Variants in P4HA2 observed in about 807,000 individuals in gnomAD.
The protein encoded by P4HA2 is prolyl 4-hydroxylase subunit alpha-2.
P4HA2 carries 46 observed loss-of-function variants against 76.9 expected under a neutral mutation model. The observed-to-expected ratio is 0.60, with a 90% CI of 0.47 to 0.76. The LOEUF (loss-of-function observed/expected upper bound fraction) is 0.76. Among genes scored for constraint, P4HA2 ranks in the 30% least tolerant of loss-of-function variants. The pLI is 0.00. For missense variants in P4HA2, 583 were observed against 669.4 expected (o/e 0.87, Z 1.42); for synonymous variants, 243 against 254.0 (o/e 0.96, Z 0.41).
At chr5:132,217,632 G>C in intron 3 of P4HA2, 120 bp downstream of exon 3, 1 of 750,342 alleles carries the variant, frequency 1.3e-6, no homozygotes, top group Non-Finnish European at 2.4e-6. Context: ...AAGTAACCAG[G>C]CCAGCCCCAC....
chr5:132,222,614 G>A (rs1404351210), intron 1 of P4HA2, among the ~76,000 whole-genome samples: 3 of 152,216 alleles, frequency 2.0e-5, no homozygotes, highest in African/African-American at 4.8e-5. Context: ...TTTTGAGTGT[G>A]TGACCAGGCC....
chr5:132,209,367 C>A, intron 6 of P4HA2, 36 bp from the exon 7 acceptor site: 1 of 1,519,924 alleles, frequency 6.6e-7, no homozygotes, highest in South Asian at 1.1e-5. Flanking sequence ...AAAAGGAAAC[C>A]ACAAACATCT....
Position 132,203,741 on chromosome 5 carries a change from T to A in P4HA2, c.1251+7A>T, listed in dbSNP as rs778800541. 4 of 1,513,418 alleles carry A rather than the reference T, an allele frequency of 2.6e-6. No individual in the cohort carries two copies. The South Asian group carries it at 4.5e-5, about 17-fold the overall frequency. 93.7% of individuals were successfully genotyped at this position (1,513,418 alleles called of 1,614,324 possible). A position where few individuals can be genotyped will look rare whatever the true frequency, so the allele number is the denominator to read the frequency against. ...CCAACTCCTACAGTCCCAGGTACTA[T>A]CTGTACCTGTAACAATTCTGCAGTC... On this transcript the variant is annotated splice_region_variant and intron_variant, in intron 10 of 14. Coordinates refer to ENST00000360568, the MANE Select transcript of P4HA2 (RefSeq NM_001017974.2).
chr5:132,223,514 G>A (rs551031358), intron 1 of P4HA2, among the ~76,000 whole-genome samples: 28 of 152,066 alleles, frequency 1.8e-4, no homozygotes, highest in Middle Eastern at 3.2e-3. Flanking sequence ...CATCCATCTC[G>A]ACCTCCCAAA....
intron 1 of P4HA2, among the ~76,000 whole-genome samples, chr5:132,219,631 C>G (rs154486): frequency 0.2 from 30,128 of 152,094 alleles, 3,035 homozygotes; most frequent in East Asian, 0.3. Flanking sequence ...TCTTCCTGCC[C>G]TGCTTTTGAG....
At chr5:132,195,511 C>T in intron 12 of P4HA2, 31 bp from the exon 13 acceptor site, 1 of 1,545,110 alleles carries the variant, frequency 6.5e-7, no homozygotes, top group Non-Finnish European at 8.9e-7. Flanking sequence ...GCTTGACCCT[C>T]CTACCCAAGG....
rs754224046 is a variant in P4HA2, at chr5:132,217,280, G to A, written c.248C>T (p.Pro83Leu). Residue 83 changes from proline (P) to leucine (L), a missense_variant, in exon 4 of 15, where the codon CCT becomes CTT. Pro to Leu is a moderately conservative substitution (Grantham distance 98, BLOSUM62 -3). Coordinates refer to ENST00000360568, the MANE Select transcript of P4HA2 (RefSeq NM_001017974.2). ...CTTCACCAGTTTGTAGGCATTCACA[G>A]GGTGAGCCAGGTAGCCCTCAGCATC... ...AADAEGYLAH[P>L]VNAYKLVKRL... is the part of the protein sequence containing the mutation. 3.7e-6 allele frequency: 6 copies of A among 1,614,172 alleles called. No individual in the cohort carries two copies. The South Asian group carries it at 6.6e-5, about 18-fold the overall frequency.
chr5:132,218,635 A>G lies in P4HA2; in HGVS notation c.-9T>C. On this transcript the variant is annotated 5_prime_UTR_variant, in exon 2 of 15. Coordinates refer to ENST00000360568, the MANE Select transcript of P4HA2 (RefSeq NM_001017974.2). ...GACACCCAGAGTTTCATGGTCACAG[A>G]GGGAAGTGTCTGAAAGGCATTCAAT... The G allele has an allele frequency of 6.2e-7, 1 of 1,609,190 alleles. No homozygotes were observed. The highest frequency in any genetic ancestry group is 8.5e-7 in the Non-Finnish European group (1 of 1,175,496).
intron 1 of P4HA2, among the ~76,000 whole-genome samples, chr5:132,226,333 T>C (rs764226804): frequency 4.6e-5 from 7 of 152,178 alleles, no homozygotes; most frequent in Non-Finnish European, 1.0e-4. Context: ...TAGGACAGGA[T>C]TTCCTACAAG....
chr5:132,209,481 G>GT (rs1752744490), intron 6 of P4HA2, 150 bp from the exon 7 acceptor site: 1 of 698,158 alleles, frequency 1.4e-6, no homozygotes, highest in Non-Finnish European at 2.4e-6. Flanking sequence ...TACGCTGGTC[G>GT]TAACTGGAAA....
intron 1 of P4HA2, among the ~76,000 whole-genome samples, chr5:132,219,862 A>C (rs529513824): frequency 1.6e-4 from 24 of 152,134 alleles, no homozygotes; most frequent in Admixed American, 1.1e-3. Context: ...ATCCATTGAG[A>C]TTCCAGGTTA....
chr5:132,220,954 A>T (rs1169671799), intron 1 of P4HA2, among the ~76,000 whole-genome samples: 1 of 152,202 alleles, frequency 6.6e-6, no homozygotes, highest in East Asian at 1.9e-4. Context: ...TACCACATCA[A>T]CACTGACATC....
rs745470897 is a variant in P4HA2 at position 132,207,880 on chromosome 5, G to A, written c.908C>T (p.Pro303Leu). Residue 303 changes from proline to leucine, a missense_variant, in exon 8 of 15, where the codon CCC becomes CTC. By Grantham distance (98) the Pro-to-Leu change is moderately conservative. Transcript: ENST00000360568. ...LCRGEGVKLT[P>L]RRQKRLFCRY... ...ACAGAAAAGCCTCTTCTGTCTACGG[G>A]GTGTCTGGAAAGCACAGAGTAACAG... 34 of 1,570,052 alleles carry A rather than the reference G, an allele frequency of 2.2e-5. No individual in the cohort carries two copies. The Middle Eastern group carries it at 1.5e-3, about 72-fold the overall frequency.
intron 8 of P4HA2, 103 bp from the exon 9 acceptor site, chr5:132,204,255 T>G: frequency 1.1e-6 from 1 of 923,184 alleles, no homozygotes; most frequent in East Asian, 2.4e-5. Context: ...GCCATGCTAG[T>G]GGAGGAAGCT....
intron 7 of P4HA2, among the ~76,000 whole-genome samples, chr5:132,208,582 CT>C (rs1428245080): frequency 6.6e-6 from 1 of 151,762 alleles, no homozygotes; most frequent in East Asian, 1.9e-4. Flanking sequence ...ATTCCTGACC[CT>C]TTTCGTGAAG....
chr5:132,217,382 T>A, intron 3 of P4HA2, 34 bp from the exon 4 acceptor site: 1 of 1,610,310 alleles, frequency 6.2e-7, no homozygotes, highest in East Asian at 2.2e-5. Flanking sequence ...GACTAATGCG[T>A]CCACCCACAT....
chr5:132,220,696 G>A (rs989084481), intron 1 of P4HA2, among the ~76,000 whole-genome samples: 1 of 152,238 alleles, frequency 6.6e-6, no homozygotes, highest in Non-Finnish European at 1.5e-5. Context: ...TGGAATGTGC[G>A]ATCTGGCTTA....
At chr5:132,218,732 T>C (rs1026314881) in intron 1 of P4HA2, 88 bp from the exon 2 acceptor site, 1 of 750,900 alleles carries the variant, frequency 1.3e-6, no homozygotes, top group South Asian at 1.5e-5. Flanking sequence ...TACACACATA[T>C]GCAGATAATC....
At chr5:132,208,703 T>C (rs1413232515) in intron 7 of P4HA2, among the ~76,000 whole-genome samples, 1 of 151,924 alleles carries the variant, frequency 6.6e-6, no homozygotes, top group Non-Finnish European at 1.5e-5. Flanking sequence ...CTGTCACACC[T>C]GGGCCTCCTC....
Sources: allele counts gnomAD v4.1 joint callset (sites outside exome capture counted in the v4.1 genomes callset), GRCh38; gene constraint gnomAD v4.1.1; transcripts MANE v1.5; gene names NCBI Gene and HGNC (gene_info 2026-07-23, HGNC 2026-07-21).